FRMPD3: variants seen among roughly 807,000 people sequenced by gnomAD.
The protein encoded by FRMPD3 is FERM and PDZ domain containing 3, also known as FERM and PDZ domain-containing protein 3.
In FRMPD3, 42 loss-of-function variants were observed where a neutral mutation model predicts 97.9. The ratio of observed to expected loss-of-function variants is 0.43; its 90% CI spans 0.34 to 0.55. FRMPD3 has a LOEUF of 0.55. Among genes scored for constraint, FRMPD3 ranks in the 20% least tolerant of loss-of-function variants. FRMPD3 has a pLI of 0.03. For missense variants in FRMPD3, 1,303 were observed against 1,457.7 expected, an observed-to-expected ratio of 0.89 and a Z score of 1.73; for synonymous variants, 577 against 581.1, an observed-to-expected ratio of 0.99 and a Z score of 0.10.
chrX:107,510,975 C>A (rs1922149566), intron 1 of FRMPD3, among the ~76,000 whole-genome samples: 1 of 112,465 alleles, frequency 8.9e-6, no homozygotes, highest in Non-Finnish European at 1.9e-5. Context: ...TCAGATACAA[C>A]CTGCATCATC....
At chrX:107,552,367 C>T (rs751013193) in intron 6 of FRMPD3, among the ~76,000 whole-genome samples, 1 of 112,432 alleles carries the variant, frequency 8.9e-6, no homozygotes, top group African/African-American at 3.2e-5. Context: ...TGCTTTTGTT[C>T]ATTCCTAAGA....
At chrX:107,517,918 C>G (rs930613286) in intron 1 of FRMPD3, among the ~76,000 whole-genome samples, 1 of 109,297 alleles carries the variant, frequency 9.1e-6, no homozygotes, top group Non-Finnish European at 1.9e-5. Context: ...AAAGTGAAAT[C>G]CAGCTACCCA....
At chrX:107,523,626 T>A (rs1480493903) in intron 1 of FRMPD3, among the ~76,000 whole-genome samples, 1 of 112,453 alleles carries the variant, frequency 8.9e-6, no homozygotes, top group Non-Finnish European at 1.9e-5. Context: ...TATGCCCACT[T>A]GTCTTTTCTC....
At chrX:107,557,324 T>C (rs1258677114) in intron 8 of FRMPD3, among the ~76,000 whole-genome samples, 1 of 111,396 alleles carries the variant, frequency 9.0e-6, no homozygotes, top group Non-Finnish European at 1.9e-5. Context: ...GTTGTTTTCT[T>C]ATTGAGTTTT....
chrX:107,529,811 C>T (rs1922855778), intron 2 of FRMPD3, among the ~76,000 whole-genome samples: 1 of 111,620 alleles, frequency 9.0e-6, no homozygotes, highest in African/African-American at 3.3e-5. Flanking sequence ...GATCCTTCCT[C>T]GTCCTCCTTT....
At chrX:107,464,482 G>C (rs915683689) in intron 1 of FRMPD3, among the ~76,000 whole-genome samples, 1 of 110,750 alleles carries the variant, frequency 9.0e-6, no homozygotes, top group Non-Finnish European at 1.9e-5. Context: ...ATGTTGGCTT[G>C]TATCTCCATG....
chrX:107,537,267 C>G (rs1040515339), intron 4 of FRMPD3, among the ~76,000 whole-genome samples: 3 of 111,841 alleles, frequency 2.7e-5, no homozygotes, highest in Non-Finnish European at 3.8e-5. Context: ...AACAGCTTTG[C>G]CTGACTAATC....
Position 107,530,520 on chromosome X carries a change from G to A in FRMPD3, c.251+9G>A. ...CTCATAGAACTTATCAGGTAACAGG[G>A]GCCTTTTGGCAGGAACTGATCAGTA... On this transcript the variant is annotated intron_variant, in intron 3 of 14. Transcript: ENST00000683843. 4 of 1,133,333 alleles carry A rather than the reference G, an allele frequency of 3.5e-6. No homozygotes were observed. The highest frequency in any genetic ancestry group is 4.8e-6 in the Non-Finnish European group (4 of 837,854). The allele number at this position is 1,133,333 out of a possible 1,213,427, so 93.4% of individuals were successfully genotyped here.
chrX:107,569,175 A>T (rs1231692262), intron 12 of FRMPD3, among the ~76,000 whole-genome samples: 1 of 109,614 alleles, frequency 9.1e-6, no homozygotes. Flanking sequence ...CACACCTGTA[A>T]TCCCAGCTAT....
rs146426895 is a variant in FRMPD3 at position 107,587,384 on chromosome X, G to A, written c.1442-9937G>A. Among the ~76,000 whole-genome samples the A allele has an allele frequency of 3.3e-3, 371 of 110,904 alleles. 6 individuals carry two copies. Among genetic ancestry groups the A allele is most frequent in the Admixed American group, 0.031 (317 of 10,333 alleles). On this transcript the variant is annotated intron_variant, in intron 13 of 14. Transcript: ENST00000683843. ...GGTCTACTGAATACAGCACACCCATGGGTCTTGACTCTTTATCCAATTTGC... is the reference window on the plus strand; with the variant it reads ...GGTCTACTGAATACAGCACACCCATAGGTCTTGACTCTTTATCCAATTTGC...
At chrX:107,578,674 A>G (rs1923240751) in intron 13 of FRMPD3, among the ~76,000 whole-genome samples, 1 of 111,831 alleles carries the variant, frequency 8.9e-6, no homozygotes, top group Admixed American at 9.5e-5. Flanking sequence ...AGACCTACAG[A>G]AAGTTCTGCT....
At chrX:107,577,562 T>A (rs1015438607) in intron 13 of FRMPD3, among the ~76,000 whole-genome samples, 2 of 105,681 alleles carry the variant, frequency 1.9e-5, no homozygotes, top group Admixed American at 2.1e-4. Context: ...GACAGGAGAA[T>A]CGCTTGAACC....
At chrX:107,548,871 C>T (rs896908991) in intron 5 of FRMPD3, among the ~76,000 whole-genome samples, 9 of 111,115 alleles carry the variant, frequency 8.1e-5, no homozygotes, top group African/African-American at 2.3e-4. Flanking sequence ...AAACAAAATA[C>T]GGTAAGAGCA....
At chrX:107,527,381 C>T (rs1249419494) in intron 2 of FRMPD3, among the ~76,000 whole-genome samples, 1 of 112,351 alleles carries the variant, frequency 8.9e-6, no homozygotes, top group Non-Finnish European at 1.9e-5. Flanking sequence ...TAATATCATT[C>T]CCATTTTGCA....
At chrX:107,506,474 G>A (rs1302891856) in intron 1 of FRMPD3, among the ~76,000 whole-genome samples, 4 of 112,871 alleles carry the variant, frequency 3.5e-5, no homozygotes, top group African/African-American at 9.7e-5. Flanking sequence ...CTTGTACTGG[G>A]GGCTCTTTGC....
rs1316681392 is a variant in FRMPD3 at position 107,603,714 on chromosome X, G to C, written c.*341G>C. The C allele has an allele frequency of 5.7e-6, 1 of 175,412 alleles. No individual in the cohort carries two copies. The highest frequency in any genetic ancestry group is 1.1e-5 in the Non-Finnish European group (1 of 94,886). 14.5% of individuals were successfully genotyped at this position (175,412 alleles called of 1,213,427 possible). On this transcript the variant is annotated 3_prime_UTR_variant, in exon 15 of 15. Coordinates refer to ENST00000683843, the MANE Select transcript of FRMPD3 (RefSeq NM_001388459.1). Reference sequence around the variant, plus strand: ...ACTTCCTGCTCAATCCGTGTTGGGCGCTGGGGGAGCCAGGGCCTGAAGCAA... The same window carrying C: ...ACTTCCTGCTCAATCCGTGTTGGGCCCTGGGGGAGCCAGGGCCTGAAGCAA...
At position 107,545,764 on chromosome X, in the gene FRMPD3, G is replaced by A. The variant is rs189007704; in HGVS notation, c.325G>A (p.Ala109Thr). 200 of 1,208,649 alleles carry A rather than the reference G, an allele frequency of 1.7e-4. 2 individuals carry two copies. In the East Asian group the frequency reaches 5.7e-3, roughly 34 times the overall value. The change falls in exon 5 of 15, where the codon GCG becomes ACG. Residue 109 changes from alanine (A) to threonine (T), a missense_variant. Ala to Thr is a moderately conservative substitution (Grantham distance 58). This residue lies in a region of FRMPD3 where 535 missense variants were observed against 618.6 expected (regional missense o/e 0.86). Transcript: ENST00000683843. ...QSPKSAFISA[A>T]KKAKLRSNPV... The stretch of plus-strand genomic sequence containing the variant: ...CCCCAAATCTGCTTTCATCAGTGCT[G>A]CGAAGAAGGCCAAGTTGAGGTCCAA...
chrX:107,584,561 G>A (rs1228589097), intron 13 of FRMPD3, among the ~76,000 whole-genome samples: 1 of 112,158 alleles, frequency 8.9e-6, no homozygotes, highest in Non-Finnish European at 1.9e-5. Context: ...TTCTTCTAGA[G>A]TTTTTATGAT....
Position 107,602,140 on chromosome X carries a change from G to C in FRMPD3, c.4101G>C (p.Glu1367Asp). The C allele has an allele frequency of 8.3e-7, 1 of 1,211,199 alleles. No homozygotes were observed. Among genetic ancestry groups the C allele is most frequent in the Non-Finnish European group, 1.1e-6 (1 of 895,467 alleles). The change falls in exon 15 of 15, where the codon GAG becomes GAC. Residue 1367 changes from glutamate to aspartate, a missense_variant. Transcript: ENST00000683843. Reference sequence around the variant, plus strand: ...CCCGAGAGTGCCGATCGGACCCTGAGAGTGGTGTTTCGTGCCTGACCACGT... The same window carrying C: ...CCCGAGAGTGCCGATCGGACCCTGACAGTGGTGTTTCGTGCCTGACCACGT... ...LESRECRSDPESGVSCLTTCA... is the reference protein window; with the variant it reads ...LESRECRSDPDSGVSCLTTCA...
Sources: gnomAD v4.1 joint callset for allele counts (sites outside exome capture counted in the v4.1 genomes callset) on GRCh38, gnomAD v4.1.1 for gene constraint, gnomAD v4.1.1 regional missense constraint, MANE v1.5 for transcripts, NCBI Gene and HGNC (gene_info 2026-07-23, HGNC 2026-07-21) for gene names.